PPP2R2B: variants seen among roughly 807,000 people sequenced by gnomAD.
PPP2R2B encodes serine/threonine-protein phosphatase 2A 55 kDa regulatory subunit B beta isoform.
In PPP2R2B, 5 loss-of-function variants were observed where a neutral mutation model predicts 46.0. That is an observed-to-expected ratio of 0.11 (90% CI 0.06 to 0.23). The LOEUF (loss-of-function observed/expected upper bound fraction) is 0.23, where lower values mean the gene tolerates loss of function less well. PPP2R2B is among the 10% of genes least tolerant of loss of function. The probability of loss-of-function intolerance (pLI) is 1.00; values close to 1 mark genes in which losing one functional copy is unlikely to be tolerated. For missense variants in PPP2R2B, 367 were observed against 575.0 expected (o/e 0.64, Z 3.70); for synonymous variants, 215 against 206.7 (o/e 1.04, Z -0.34).
At chr5:147,037,469 T>C (rs1042357971) in intron 1 of PPP2R2B, among the ~76,000 whole-genome samples, 4 of 151,956 alleles carry the variant, frequency 2.6e-5, no homozygotes, top group African/African-American at 4.8e-5. Context: ...AATATATATA[T>C]GTATCAATAT....
At chr5:146,775,917 A>G (rs1755153501) in intron 2 of PPP2R2B, among the ~76,000 whole-genome samples, 1 of 152,160 alleles carries the variant, frequency 6.6e-6, no homozygotes, top group South Asian at 2.1e-4. Flanking sequence ...AATAAATTTA[A>G]CTAAGGAGGT....
At chr5:146,670,385 C>A (rs1435273543) in intron 5 of PPP2R2B, among the ~76,000 whole-genome samples, 1 of 151,890 alleles carries the variant, frequency 6.6e-6, no homozygotes, top group Admixed American at 6.6e-5. Context: ...TTAAAGCTCT[C>A]CAAATAATTG....
intron 2 of PPP2R2B, chr5:147,081,043 T>C: frequency 1.3e-6 from 2 of 1,532,076 alleles, no homozygotes; most frequent in Non-Finnish European, 1.7e-6. Context: ...GAAAAGGGCA[T>C]GGGGATTTCT....
intron 2 of PPP2R2B, among the ~76,000 whole-genome samples, chr5:147,078,863 A>G (rs1438904400): frequency 6.6e-6 from 1 of 151,772 alleles, no homozygotes; most frequent in African/African-American, 2.4e-5. Context: ...CTAACTTAGT[A>G]GCTCTTGGAG....
intron 2 of PPP2R2B, among the ~76,000 whole-genome samples, chr5:146,846,002 G>C (rs968098863): frequency 3.9e-5 from 6 of 152,094 alleles, no homozygotes; most frequent in African/African-American, 1.4e-4. Flanking sequence ...GACAACATGA[G>C]AAAAAGAATG....
chr5:146,840,083 A>C (rs115324839), intron 2 of PPP2R2B, among the ~76,000 whole-genome samples: 5 of 152,338 alleles, frequency 3.3e-5, no homozygotes, highest in Non-Finnish European at 7.3e-5. Context: ...TAAAATGAAA[A>C]GTTAATTATG....
intron 1 of PPP2R2B, among the ~76,000 whole-genome samples, chr5:147,024,174 T>TCTAC (rs1469098721): frequency 6.6e-6 from 1 of 151,818 alleles, no homozygotes; most frequent in Non-Finnish European, 1.5e-5. Flanking sequence ...TATCTATCTA[T>TCTAC]CTATCTATCT....
intron 1 of PPP2R2B, among the ~76,000 whole-genome samples, chr5:147,033,915 G>A (rs1255467957): frequency 6.6e-6 from 1 of 151,866 alleles, no homozygotes; most frequent in Non-Finnish European, 1.5e-5. Flanking sequence ...TCTCCACACA[G>A]CAACCAAATA....
upstream of PPP2R2B, among the ~76,000 whole-genome samples, chr5:147,059,672 C>T (rs867622575): frequency 6.3e-4 from 96 of 152,270 alleles, no homozygotes; most frequent in African/African-American, 2.2e-3. Flanking sequence ...AGAAATTTCT[C>T]CAGATGATTT....
chr5:147,006,519 C>T (rs767877583), intron 1 of PPP2R2B, among the ~76,000 whole-genome samples: 32 of 152,222 alleles, frequency 2.1e-4, no homozygotes, highest in South Asian at 6.2e-4. Flanking sequence ...GGGCATACAA[C>T]GAATACACCT....
intron 2 of PPP2R2B, among the ~76,000 whole-genome samples, chr5:147,078,251 T>G (rs1006307834): frequency 2.6e-5 from 4 of 152,358 alleles, no homozygotes; most frequent in South Asian, 4.1e-4. Context: ...TATTGAGCAC[T>G]GACGCCAATG....
intron 2 of PPP2R2B, among the ~76,000 whole-genome samples, chr5:146,795,337 C>A (rs1472214915): frequency 6.6e-6 from 1 of 152,062 alleles, no homozygotes; most frequent in Non-Finnish European, 1.5e-5. Context: ...GGTATACATG[C>A]AAAACAAATA....
At chr5:146,929,791 T>C (rs1217211781) in intron 1 of PPP2R2B, among the ~76,000 whole-genome samples, 1 of 152,162 alleles carries the variant, frequency 6.6e-6, no homozygotes, top group East Asian at 1.9e-4. Context: ...TGGCTTGCCA[T>C]TTACAAGAGT....
At chr5:146,822,596 T>C (rs1758336054) in intron 2 of PPP2R2B, among the ~76,000 whole-genome samples, 1 of 151,662 alleles carries the variant, frequency 6.6e-6, no homozygotes, top group South Asian at 2.1e-4. Context: ...ATCTAATATA[T>C]TTGTTTACCA....
chr5:146,822,148 G>A (rs1329496221), intron 2 of PPP2R2B, among the ~76,000 whole-genome samples: 3 of 152,196 alleles, frequency 2.0e-5, no homozygotes, highest in Non-Finnish European at 4.4e-5. Flanking sequence ...AGAAAAGAAA[G>A]TTCGTAAAAT....
chr5:147,055,309 A>G (rs1036129779), intron 1 of PPP2R2B, among the ~76,000 whole-genome samples: 1 of 152,242 alleles, frequency 6.6e-6, no homozygotes, highest in African/African-American at 2.4e-5. Flanking sequence ...GCTCGGACAG[A>G]TGTATGTGGC....
At chr5:146,867,261 G>A (rs1761365044) in intron 2 of PPP2R2B, among the ~76,000 whole-genome samples, 1 of 152,118 alleles carries the variant, frequency 6.6e-6, no homozygotes, top group South Asian at 2.1e-4. Flanking sequence ...TCAACCTCAA[G>A]GAAATCAAAA....
intron 2 of PPP2R2B, among the ~76,000 whole-genome samples, chr5:146,858,706 A>G (rs572264359): frequency 1.3e-5 from 2 of 152,260 alleles, no homozygotes; most frequent in East Asian, 1.9e-4. Flanking sequence ...CAAATGGTAG[A>G]TATCTGTGAG....
At chr5:146,882,940 T>C (rs1762213236), upstream of PPP2R2B, among the ~76,000 whole-genome samples, 1 of 152,224 alleles carries the variant, frequency 6.6e-6, no homozygotes, top group Non-Finnish European at 1.5e-5. Context: ...TTCGTTTTTT[T>C]AACCACCCTT....
Sources: allele counts gnomAD v4.1 joint callset (sites outside exome capture counted in the v4.1 genomes callset), GRCh38; gene constraint gnomAD v4.1.1; transcripts MANE v1.5; gene names NCBI Gene and HGNC (gene_info 2026-07-23, HGNC 2026-07-21).